PATJ: variants seen among roughly 807,000 people sequenced by gnomAD.
PATJ encodes PATJ crumbs cell polarity complex component.
A neutral mutation model predicts 224.9 loss-of-function variants in PATJ; 190 were observed. The ratio of observed to expected loss-of-function variants is 0.84; its 90% CI spans 0.75 to 0.95. The LOEUF (loss-of-function observed/expected upper bound fraction) is 0.95. Ranked by LOEUF, PATJ falls within the 40% of genes least tolerant of loss-of-function variation. The pLI, the probability that PATJ is intolerant of heterozygous loss-of-function variation, is 0.00. For missense variants in PATJ, 2,121 were observed against 2,270.3 expected, an observed-to-expected ratio of 0.93 and a Z score of 1.34; for synonymous variants, 769 against 820.3, an observed-to-expected ratio of 0.94 and a Z score of 1.07.
At chr1:61,754,262 T>C (rs767001655) in intron 1 of PATJ, among the ~76,000 whole-genome samples, 3 of 152,218 alleles carry the variant, frequency 2.0e-5, no homozygotes, top group Admixed American at 6.5e-5. Flanking sequence ...GTTTCTTAAC[T>C]AAACAGGTCA....
chr1:61,999,809 A>C (rs1453076904), intron 28 of PATJ, among the ~76,000 whole-genome samples: 1 of 152,194 alleles, frequency 6.6e-6, no homozygotes, highest in Non-Finnish European at 1.5e-5. Context: ...AGTTTTTCAC[A>C]CATATACATA....
chr1:62,160,112 G>C (rs1210169525), intron 43 of PATJ, among the ~76,000 whole-genome samples: 1 of 152,076 alleles, frequency 6.6e-6, no homozygotes, highest in East Asian at 1.9e-4. Context: ...TACCCCTACA[G>C]ATGGTGAAAC....
intron 10 of PATJ, 139 bp from the exon 11 acceptor site, chr1:61,797,148 A>G (rs770494634): frequency 1.1e-4 from 102 of 916,336 alleles, no homozygotes; most frequent in Non-Finnish European, 1.6e-4. Context: ...TGCTGGGATT[A>G]CAGGCGTGAG....
chr1:61,950,618 G>A lies in PATJ; in HGVS notation c.3670+22789G>A, dbSNP rs183914625. On this transcript the variant is annotated intron_variant, in intron 27 of 43. Coordinates refer to ENST00000642238, the MANE Select transcript of PATJ (RefSeq NM_001350145.3). Reference sequence around the variant, plus strand: ...TACAATCAACAGCAATTATTACCAAGCATTTAAAGAATGTTAAGAATGTTC... The same window carrying A: ...TACAATCAACAGCAATTATTACCAAACATTTAAAGAATGTTAAGAATGTTC... Among the ~76,000 whole-genome samples the A allele has an allele frequency of 1.3e-4, 20 of 152,258 alleles. No individual in the cohort carries two copies. The East Asian group carries it at 1.9e-3, about 15-fold the overall frequency.
chr1:61,761,989 C>T (rs1484878578), intron 1 of PATJ, among the ~76,000 whole-genome samples: 1 of 152,090 alleles, frequency 6.6e-6, no homozygotes, highest in Non-Finnish European at 1.5e-5. Flanking sequence ...CGCCCGGCCA[C>T]TCTGTCTTTT....
chr1:62,119,625 C>T (rs896944555), intron 37 of PATJ, among the ~76,000 whole-genome samples: 3 of 152,086 alleles, frequency 2.0e-5, no homozygotes, highest in African/African-American at 7.2e-5. Flanking sequence ...TAAGGGAACA[C>T]AGTCAGGCAA....
intron 43 of PATJ, among the ~76,000 whole-genome samples, chr1:62,158,720 CA>C (rs778301408): frequency 3.9e-5 from 3 of 77,090 alleles, no homozygotes; most frequent in African/African-American, 5.4e-5. Flanking sequence ...GACTCTGTCT[CA>C]AAAAAAAAAC....
At chr1:61,844,996 T>C (rs927301965) in intron 17 of PATJ, among the ~76,000 whole-genome samples, 1 of 152,152 alleles carries the variant, frequency 6.6e-6, no homozygotes, top group African/African-American at 2.4e-5. Flanking sequence ...AGGTAGTTCT[T>C]TAGAGCAGTG....
Position 61,821,774 on chromosome 1 carries a change from A to T in PATJ, c.1684-1171A>T, listed in dbSNP as rs750713388. 4.6e-5 allele frequency among the ~76,000 whole-genome samples: 7 copies of T among 152,318 alleles called. No homozygotes were observed. In the East Asian group the frequency reaches 1.4e-3, roughly 29 times the overall value. Reference sequence around the variant, plus strand: ...ATCAGACTATTGATACAGGAAATGCAAATCATCATGAGTACCATTTACCGT... The same window carrying T: ...ATCAGACTATTGATACAGGAAATGCTAATCATCATGAGTACCATTTACCGT... On this transcript the variant is annotated intron_variant, in intron 14 of 43. Transcript: ENST00000642238.
rs35950461 is a variant in PATJ at position 61,886,819 on chromosome 1, C to CAAAAAAAAAAA, written c.3131+2413_3131+2423dup. On this transcript the variant is annotated intron_variant, in intron 22 of 43. Transcript: ENST00000642238. ...TGGGCAACAGAGCAAGACCCCATCT[C>CAAAAAAAAAAA]AAAAAAAAAAAATTAGCCTGTTGTG... 5.9e-3 allele frequency among the ~76,000 whole-genome samples: 513 copies of CAAAAAAAAAAA among 87,448 alleles called. 151 individuals are homozygous for CAAAAAAAAAAA. Among genetic ancestry groups the CAAAAAAAAAAA allele is most frequent in the Non-Finnish European group, 9.4e-3 (352 of 37,342 alleles). 57.4% of individuals were successfully genotyped at this position (87,448 alleles called of 152,430 possible).
At chr1:62,070,956 A>G (rs1341184298) in intron 31 of PATJ, among the ~76,000 whole-genome samples, 1 of 152,196 alleles carries the variant, frequency 6.6e-6, no homozygotes, top group Non-Finnish European at 1.5e-5. Flanking sequence ...GCTGGGCATA[A>G]CTTGGTCACT....
At chr1:62,141,783 A>G (rs1417470309) in intron 41 of PATJ, among the ~76,000 whole-genome samples, 2 of 152,170 alleles carry the variant, frequency 1.3e-5, no homozygotes, top group African/African-American at 4.8e-5. Context: ...AGGCTGGCCA[A>G]CGTGGTGAAA....
intron 27 of PATJ, among the ~76,000 whole-genome samples, chr1:61,951,648 T>A (rs918193635): frequency 6.6e-6 from 1 of 152,128 alleles, no homozygotes; most frequent in Non-Finnish European, 1.5e-5. Flanking sequence ...TTTTTTATAT[T>A]TTTCCCCCCT....
intron 40 of PATJ, chr1:62,128,326 C>T (rs1415489841): frequency 2.1e-6 from 1 of 468,832 alleles, no homozygotes; most frequent in Admixed American, 3.7e-5. Context: ...AATTGCAGCC[C>T]CTTTGCAAAC....
chr1:62,010,546 T>C (rs1016399060), intron 28 of PATJ, among the ~76,000 whole-genome samples: 4 of 152,098 alleles, frequency 2.6e-5, no homozygotes, highest in African/African-American at 4.8e-5. Flanking sequence ...TCTCTTTCTG[T>C]GCTTGGTATA....
At chr1:62,143,126 CG>C (rs1220086426) in intron 41 of PATJ, among the ~76,000 whole-genome samples, 1 of 151,982 alleles carries the variant, frequency 6.6e-6, no homozygotes, top group Non-Finnish European at 1.5e-5. Context: ...TGATGGATTA[CG>C]TACAGCAAGC....
Position 61,933,964 on chromosome 1 carries a change from C to A in PATJ, c.3670+6135C>A, listed in dbSNP as rs542623549. ...CATTTTTTTTTTTTCGAGATGGAGT[C>A]TTGCTCTGTCGCCCAGGCTGGAGTG... On this transcript the variant is annotated intron_variant, in intron 27 of 43. Transcript: ENST00000642238. Among the ~76,000 whole-genome samples the A allele has an allele frequency of 4.6e-5, 7 of 151,548 alleles. No individual in the cohort carries two copies. The South Asian group carries it at 1.5e-3, about 32-fold the overall frequency.
intron 9 of PATJ, 42 bp from the exon 10 acceptor site, chr1:61,795,425 T>C: frequency 7.9e-7 from 1 of 1,262,178 alleles, no homozygotes; most frequent in African/African-American, 1.5e-5. Flanking sequence ...CAAGGCCTAA[T>C]TAGAATTTTC....
At position 61,908,473 on chromosome 1, in the gene PATJ, C is replaced by G; in HGVS notation, c.3483C>G (p.Ser1161=). ...TGTTCATTGTTCAGAGTTTGTCATC[C>G]ACTCCACGAGTAAGTTTTAGTTCAT... ...PVVFIVQSLS[S]TPRVIPNVHN... is the part of the protein sequence containing the mutation. Residue 1161 remains serine (S), a synonymous_variant, in exon 25 of 44, where the codon TCC becomes TCG. Transcript: ENST00000642238. The G allele has an allele frequency of 4.4e-6, 7 of 1,607,582 alleles. No individual in the cohort carries two copies. The highest frequency in any genetic ancestry group is 6.0e-6 in the Non-Finnish European group (7 of 1,174,166).
Sources: gnomAD v4.1 joint callset for allele counts (sites outside exome capture counted in the v4.1 genomes callset) on GRCh38, gnomAD v4.1.1 for gene constraint, MANE v1.5 for transcripts, NCBI Gene and HGNC (gene_info 2026-07-23, HGNC 2026-07-21) for gene names.